IMMP2L: variants seen among roughly 807,000 people sequenced by gnomAD.
The protein encoded by IMMP2L is mitochondrial inner membrane protease subunit 2.
In IMMP2L, 18 loss-of-function variants were observed where a neutral mutation model predicts 19.3. The observed-to-expected ratio is 0.93, with a 90% confidence interval of 0.64 to 1.38. The LOEUF is 1.38. IMMP2L is among the 40% of genes most tolerant of loss of function. The probability of loss-of-function intolerance (pLI) is 0.00; values close to 1 mark genes in which losing one functional copy is unlikely to be tolerated. For missense variants in IMMP2L, 233 were observed against 218.2 expected (o/e 1.07, Z -0.43); for synonymous variants, 76 against 73.0 (o/e 1.04, Z -0.21).
intron 3 of IMMP2L, among the ~76,000 whole-genome samples, chr7:111,352,276 T>G (rs973324117): frequency 6.6e-6 from 1 of 151,740 alleles, no homozygotes; most frequent in Non-Finnish European, 1.5e-5. Context: ...TATAGCCCAC[T>G]GCAGCCCTGA....
chr7:110,802,657 A>G (rs576998332), intron 5 of IMMP2L, among the ~76,000 whole-genome samples: 3 of 152,192 alleles, frequency 2.0e-5, no homozygotes, highest in African/African-American at 7.2e-5. Flanking sequence ...CATAAAAACC[A>G]TTAACTATAA....
intron 3 of IMMP2L, among the ~76,000 whole-genome samples, chr7:111,441,942 C>G (rs190301162): frequency 5.9e-5 from 9 of 151,514 alleles, no homozygotes; most frequent in Non-Finnish European, 1.3e-4. Context: ...ATCGAGACCA[C>G]CCTGGCCAAC....
chr7:111,402,129 T>C (rs1171075830), intron 3 of IMMP2L, among the ~76,000 whole-genome samples: 1 of 30,040 alleles, frequency 3.3e-5, no homozygotes, highest in Admixed American at 3.7e-4. Context: ...TCAAAAATAA[T>C]AATAATAATA....
At chr7:111,066,218 T>A (rs571732195) in intron 3 of IMMP2L, among the ~76,000 whole-genome samples, 6 of 152,092 alleles carry the variant, frequency 3.9e-5, no homozygotes, top group African/African-American at 1.4e-4. Context: ...CCTGACCTCG[T>A]GATCCACCCA....
intron 3 of IMMP2L, among the ~76,000 whole-genome samples, chr7:111,188,563 A>G (rs77834794): frequency 0.087 from 13,179 of 152,158 alleles, 758 homozygotes; most frequent in African/African-American, 0.15. Context: ...AGATTTCAAC[A>G]TATGAATTTG....
In IMMP2L at chr7:111,083,615, T is replaced by C. The variant is rs74973115; in HGVS notation, c.240-120050A>G. Among the ~76,000 whole-genome samples, 1,849 of 152,322 alleles carry C rather than the reference T, an allele frequency of 0.012. 46 individuals carry two copies. In the East Asian group the frequency reaches 0.12, roughly 10 times the overall value. On this transcript the variant is annotated intron_variant, in intron 3 of 5. Coordinates refer to ENST00000405709, the MANE Select transcript of IMMP2L (RefSeq NM_032549.4). ...TGACTTGCATTCTAGCTTTCCTTCT[T>C]CACTAGCGTGACAACTGTAGAAGTT...
intron 5 of IMMP2L, among the ~76,000 whole-genome samples, chr7:110,759,380 G>C (rs768372142): frequency 3.3e-5 from 5 of 152,084 alleles, no homozygotes; most frequent in African/African-American, 4.8e-5. Context: ...ATAAACATTT[G>C]CCGAATGAAT....
intron 3 of IMMP2L, among the ~76,000 whole-genome samples, chr7:111,112,345 C>G (rs1799335195): frequency 6.6e-6 from 1 of 152,158 alleles, no homozygotes; most frequent in Admixed American, 6.5e-5. Context: ...ACTGACCTAG[C>G]ATACATCAAG....
At chr7:110,915,634 C>T (rs1027658174) in intron 4 of IMMP2L, among the ~76,000 whole-genome samples, 1 of 152,072 alleles carries the variant, frequency 6.6e-6, no homozygotes, top group Admixed American at 6.6e-5. Flanking sequence ...GACCATCTCC[C>T]CACATACAGT....
chr7:110,750,056 T>G (rs766951019), intron 5 of IMMP2L, among the ~76,000 whole-genome samples: 22 of 152,074 alleles, frequency 1.4e-4, no homozygotes, highest in Non-Finnish European at 2.8e-4. Flanking sequence ...AACTTTTCAA[T>G]AGACAAACAC....
intron 3 of IMMP2L, among the ~76,000 whole-genome samples, chr7:111,255,347 G>A (rs1195789615): frequency 6.6e-6 from 1 of 152,014 alleles, no homozygotes; most frequent in Non-Finnish European, 1.5e-5. Context: ...AAATTTCACA[G>A]TATAAAATAT....
intron 3 of IMMP2L, among the ~76,000 whole-genome samples, chr7:111,040,725 A>G (rs2129570839): frequency 6.7e-6 from 1 of 148,754 alleles, no homozygotes; most frequent in African/African-American, 2.4e-5. Flanking sequence ...ATTTAATATT[A>G]TATAATTATA....
In IMMP2L at chr7:111,264,263, C is replaced by T. The variant is rs117468483; in HGVS notation, c.239+222975G>A. Reference sequence around the variant, plus strand: ...TCATGAACATCACCTGACAAGGGCACGGGCCCATTTACAAACAAAATTTTC... The same window carrying T: ...TCATGAACATCACCTGACAAGGGCATGGGCCCATTTACAAACAAAATTTTC... On this transcript the variant is annotated intron_variant, in intron 3 of 5. Coordinates refer to ENST00000405709, the MANE Select transcript of IMMP2L (RefSeq NM_032549.4). Among the ~76,000 whole-genome samples, 1,155 of 152,178 alleles carry T rather than the reference C, an allele frequency of 7.6e-3. 10 individuals carry two copies. Among genetic ancestry groups the T allele is most frequent in the South Asian group, 0.013 (64 of 4,818 alleles).
rs547087280 is a variant in IMMP2L, at chr7:111,425,009, A to G, written c.239+62229T>C. On this transcript the variant is annotated intron_variant, in intron 3 of 5. Coordinates refer to ENST00000405709, the MANE Select transcript of IMMP2L (RefSeq NM_032549.4). ...CTAAATCCAGGTCATTAGTCATTAC[A>G]TGAAGTCATTTTAAGTTTCCTTCAT... 2.6e-5 allele frequency among the ~76,000 whole-genome samples: 4 copies of G among 151,840 alleles called. No homozygotes were observed. The South Asian group carries it at 8.3e-4, about 31-fold the overall frequency.
At chr7:110,972,091 C>T (rs1820198025) in intron 3 of IMMP2L, among the ~76,000 whole-genome samples, 1 of 151,888 alleles carries the variant, frequency 6.6e-6, no homozygotes, top group African/African-American at 2.4e-5. Flanking sequence ...AGTAACTACA[C>T]ACAATTTACT....
At chr7:110,694,918 G>C (rs536958637) in intron 5 of IMMP2L, among the ~76,000 whole-genome samples, 2 of 152,080 alleles carry the variant, frequency 1.3e-5, no homozygotes, top group South Asian at 4.2e-4. Context: ...AATGAACATG[G>C]ATAAACCTTG....
intron 3 of IMMP2L, among the ~76,000 whole-genome samples, chr7:111,329,856 T>C (rs529072094): frequency 2.6e-5 from 4 of 151,958 alleles, no homozygotes; most frequent in African/African-American, 9.6e-5. Flanking sequence ...ACTAGAAATG[T>C]TAAGCCATCC....
intron 3 of IMMP2L, among the ~76,000 whole-genome samples, chr7:111,119,668 A>G (rs1800346687): frequency 6.6e-6 from 1 of 152,228 alleles, no homozygotes; most frequent in Non-Finnish European, 1.5e-5. Context: ...GTAACATGTA[A>G]AAGGATGCAT....
chr7:110,676,176 A>G (rs1230441037), intron 5 of IMMP2L, among the ~76,000 whole-genome samples: 4 of 152,216 alleles, frequency 2.6e-5, no homozygotes, highest in Admixed American at 6.5e-5. Flanking sequence ...CTGTGATGTT[A>G]TGTAATAATT....
Sources: allele counts gnomAD v4.1 joint callset (sites outside exome capture counted in the v4.1 genomes callset), GRCh38; gene constraint gnomAD v4.1.1; transcripts MANE v1.5; gene names NCBI Gene and HGNC (gene_info 2026-07-23, HGNC 2026-07-21).